Variants in LRP1B observed in about 807,000 individuals in gnomAD.
The protein encoded by LRP1B is low-density lipoprotein receptor-related protein 1B.
LRP1B carries 217 observed loss-of-function variants against 556.6 expected under a neutral mutation model. The observed-to-expected ratio is 0.39, with a 90% confidence interval of 0.35 to 0.44. LRP1B has a LOEUF of 0.44. Among genes scored for constraint, LRP1B ranks in the 20% least tolerant of loss-of-function variants. The pLI, the probability that LRP1B is intolerant of heterozygous loss-of-function variation, is 1.00. For synonymous variants in LRP1B, 2,047 were observed against 1,865.8 expected (o/e 1.10, Z -2.50); for missense variants, 5,053 against 5,620.8 (o/e 0.90, Z 3.23).
intron 35 of LRP1B, among the ~76,000 whole-genome samples, chr2:140,756,007 T>C (rs1688731083): frequency 6.6e-6 from 1 of 151,962 alleles, no homozygotes; most frequent in East Asian, 1.9e-4. Context: ...TCAGCAATGT[T>C]GGAGGATAGA....
intron 2 of LRP1B, among the ~76,000 whole-genome samples, chr2:141,515,367 A>G (rs1684275996): frequency 2.0e-5 from 3 of 152,042 alleles, no homozygotes; most frequent in African/African-American, 7.2e-5. Flanking sequence ...TCATGACCAA[A>G]TCTCCTGCAG....
At chr2:141,867,825 G>A (rs1698461923) in intron 1 of LRP1B, among the ~76,000 whole-genome samples, 1 of 152,090 alleles carries the variant, frequency 6.6e-6, no homozygotes, top group African/African-American at 2.4e-5. Flanking sequence ...CCTATTGTAT[G>A]TATAAATTCA....
At chr2:141,395,353 T>C (rs1431527766) in intron 3 of LRP1B, among the ~76,000 whole-genome samples, 1 of 152,108 alleles carries the variant, frequency 6.6e-6, no homozygotes, top group East Asian at 1.9e-4. Flanking sequence ...ATATATGTCT[T>C]GATACACAAG....
intron 35 of LRP1B, among the ~76,000 whole-genome samples, chr2:140,737,057 A>C (rs573753109): frequency 6.9e-4 from 105 of 152,234 alleles, no homozygotes; most frequent in African/African-American, 2.3e-3. Flanking sequence ...ACCCTCCCCC[A>C]AAAAAATAAA....
At chr2:142,115,987 C>A (rs1331600258) in intron 1 of LRP1B, among the ~76,000 whole-genome samples, 2 of 142,456 alleles carry the variant, frequency 1.4e-5, no homozygotes, top group Non-Finnish European at 3.0e-5. Flanking sequence ...GAGGCCAAGG[C>A]GGGTGAATCA....
At chr2:141,942,860 G>A (rs183939550) in intron 1 of LRP1B, among the ~76,000 whole-genome samples, 1 of 152,162 alleles carries the variant, frequency 6.6e-6, no homozygotes, top group Non-Finnish European at 1.5e-5. Flanking sequence ...CTGCATATGA[G>A]GGGAACACCT....
At chr2:140,371,638 A>G (rs2105168188) in intron 69 of LRP1B, among the ~76,000 whole-genome samples, 1 of 149,870 alleles carries the variant, frequency 6.7e-6, no homozygotes, top group East Asian at 1.9e-4. Flanking sequence ...TTTTAAATTA[A>G]ATCATTTTAA....
At chr2:141,544,386 TCCTCCTCCTCCTCCTCCTCCTC>T (rs1685467823) in intron 2 of LRP1B, among the ~76,000 whole-genome samples, 6 of 80,362 alleles carry the variant, frequency 7.5e-5, no homozygotes, top group Admixed American at 1.5e-4. Flanking sequence ...CTTCTTCTCC[TCCTCCTCCTCCTCCTCCTCCTC>T]CTCCTTCTCC....
intron 3 of LRP1B, among the ~76,000 whole-genome samples, chr2:141,289,248 G>T (rs1685845863): frequency 6.6e-6 from 1 of 151,686 alleles, no homozygotes; most frequent in African/African-American, 2.4e-5. Flanking sequence ...TAGCCGGGGT[G>T]TCGGGTGCCT....
intron 47 of LRP1B, among the ~76,000 whole-genome samples, chr2:140,528,761 G>A (rs1036101203): frequency 6.6e-6 from 1 of 151,814 alleles, no homozygotes; most frequent in South Asian, 2.1e-4. Flanking sequence ...AGGCAAGGAA[G>A]GAGAATCCTG....
At chr2:140,941,571 C>A (rs139122492) in intron 20 of LRP1B, among the ~76,000 whole-genome samples, 1 of 152,148 alleles carries the variant, frequency 6.6e-6, no homozygotes, top group Non-Finnish European at 1.5e-5. Flanking sequence ...TTCTTACATA[C>A]CATCTACTGG....
At chr2:141,760,715 T>C (rs1240172288) in intron 2 of LRP1B, among the ~76,000 whole-genome samples, 1 of 152,116 alleles carries the variant, frequency 6.6e-6, no homozygotes, top group Non-Finnish European at 1.5e-5. Context: ...GAACACTACG[T>C]GATGGATTTA....
chr2:140,912,457 G>C (rs1403039102), intron 21 of LRP1B, among the ~76,000 whole-genome samples: 4 of 151,460 alleles, frequency 2.6e-5, no homozygotes, highest in Non-Finnish European at 5.9e-5. Flanking sequence ...CCAATAGATA[G>C]AATATCCAAA....
intron 7 of LRP1B, among the ~76,000 whole-genome samples, chr2:141,145,082 A>C (rs1350469870): frequency 6.6e-6 from 1 of 152,220 alleles, no homozygotes; most frequent in Non-Finnish European, 1.5e-5. Flanking sequence ...TAACAGTTAA[A>C]AATTTAAGAA....
At chr2:140,430,437 C>T (rs1472320710) in intron 66 of LRP1B, among the ~76,000 whole-genome samples, 1 of 152,186 alleles carries the variant, frequency 6.6e-6, no homozygotes, top group East Asian at 1.9e-4. Context: ...CGCTTCACTT[C>T]CAAAGGAAGC....
chr2:140,993,925 T>C (rs2105358454), intron 16 of LRP1B, 70 bp downstream of exon 16: 1 of 1,474,084 alleles, frequency 6.8e-7, no homozygotes, highest in African/African-American at 1.4e-5. Context: ...TGTCACAAAC[T>C]GCCTTGATAA....
chr2:140,370,431 T>C (rs1219166609), intron 71 of LRP1B, among the ~76,000 whole-genome samples: 2 of 151,918 alleles, frequency 1.3e-5, no homozygotes, highest in Non-Finnish European at 2.9e-5. Flanking sequence ...TCTCCACATA[T>C]CCCTATACTT....
At chr2:141,725,229 T>A (rs1363535548) in intron 2 of LRP1B, among the ~76,000 whole-genome samples, 1 of 151,958 alleles carries the variant, frequency 6.6e-6, no homozygotes, top group Admixed American at 6.6e-5. Flanking sequence ...TGATATTCTA[T>A]CTTACCACAT....
At chr2:141,806,977 A>G (rs913729045) in intron 2 of LRP1B, among the ~76,000 whole-genome samples, 2 of 152,090 alleles carry the variant, frequency 1.3e-5, no homozygotes, top group Non-Finnish European at 2.9e-5. Context: ...TTGTAGATAC[A>G]ACATACTTTG....
Sources: allele counts gnomAD v4.1 joint callset (sites outside exome capture counted in the v4.1 genomes callset), GRCh38; gene constraint gnomAD v4.1.1; transcripts MANE v1.5; gene names NCBI Gene and HGNC (gene_info 2026-07-23, HGNC 2026-07-21).